VCL: variants seen among roughly 807,000 people sequenced by gnomAD.
VCL encodes the protein vinculin, also known as epididymis luminal protein 114.
Under a neutral mutation model 125.7 loss-of-function variants are expected in VCL, and 47 were observed. The observed-to-expected ratio is 0.37, with a 90% CI of 0.30 to 0.48. The LOEUF (loss-of-function observed/expected upper bound fraction) is 0.48. Among genes scored for constraint, VCL ranks in the 20% least tolerant of loss-of-function variants. The pLI, the probability that VCL is intolerant of heterozygous loss-of-function variation, is 0.99. For synonymous variants in VCL, 458 were observed against 514.6 expected (o/e 0.89, Z 1.49); for missense variants, 1,069 against 1,455.5 (o/e 0.73, Z 4.32).
At chr10:74,073,303 T>C (rs945808274) in intron 5 of VCL, among the ~76,000 whole-genome samples, 7 of 152,184 alleles carry the variant, frequency 4.6e-5, no homozygotes, top group African/African-American at 1.4e-4. Flanking sequence ...TGAGACCCGA[T>C]TGATTGGTTA....
intron 1 of VCL, among the ~76,000 whole-genome samples, chr10:74,024,387 G>A (rs1234004851): frequency 6.6e-6 from 1 of 152,168 alleles, no homozygotes; most frequent in African/African-American, 2.4e-5. Flanking sequence ...AAGGTGGGAG[G>A]ATCACCTGAG....
chr10:74,008,311 A>G (rs1182390568), intron 1 of VCL, among the ~76,000 whole-genome samples: 2 of 152,168 alleles, frequency 1.3e-5, no homozygotes, highest in African/African-American at 4.8e-5. Context: ...CTAACTGCCC[A>G]TTGTTTGAGA....
At chr10:74,066,351 G>C (rs1263296599) in intron 2 of VCL, among the ~76,000 whole-genome samples, 1 of 151,976 alleles carries the variant, frequency 6.6e-6, no homozygotes, top group African/African-American at 2.4e-5. Context: ...GAGCCACCAC[G>C]CCTGGCCAAT....
intron 1 of VCL, among the ~76,000 whole-genome samples, chr10:74,003,894 T>A (rs972150434): frequency 2.5e-4 from 38 of 151,910 alleles, no homozygotes; most frequent in African/African-American, 9.2e-4. Flanking sequence ...TAATTTAAAA[T>A]TTTTTTTATA....
At chr10:74,092,144 G>A (rs1457261818) in intron 10 of VCL, among the ~76,000 whole-genome samples, 7 of 151,946 alleles carry the variant, frequency 4.6e-5, no homozygotes, top group African/African-American at 1.5e-4. Context: ...TCTTGACCTC[G>A]TGATCCACCC....
chr10:74,003,238 T>A (rs1322383992), intron 1 of VCL, among the ~76,000 whole-genome samples: 2 of 151,864 alleles, frequency 1.3e-5, no homozygotes, highest in African/African-American at 4.8e-5. Flanking sequence ...TAAAACTCTA[T>A]TTAAGGCAGT....
chr10:74,012,883 C>T (rs1840461428), intron 1 of VCL, among the ~76,000 whole-genome samples: 1 of 152,158 alleles, frequency 6.6e-6, no homozygotes, highest in African/African-American at 2.4e-5. Flanking sequence ...TTTTCAGGGA[C>T]ACTTTCCCTG....
At chr10:74,009,371 A>T (rs1271203004) in intron 1 of VCL, among the ~76,000 whole-genome samples, 1 of 150,746 alleles carries the variant, frequency 6.6e-6, no homozygotes. Context: ...CCATTCTCCC[A>T]CCTCAGCCTC....
chr10:74,105,240 C>G lies in VCL; in HGVS notation c.2321C>G (p.Ser774Cys). Reference protein sequence around the residue: ...LLVAKREVENSEDPKFREAVK... With the variant: ...LLVAKREVENCEDPKFREAVK... ...GTGGCTAAGAGGGAGGTGGAGAATTCCGAGGATCCCAAGTTCCGTGAGGCT... is the reference window on the plus strand; with the variant it reads ...GTGGCTAAGAGGGAGGTGGAGAATTGCGAGGATCCCAAGTTCCGTGAGGCT... Residue 774 changes from serine (S) to cysteine (C), a missense_variant, in exon 16 of 22, where the codon TCC becomes TGC. This residue lies in a region of VCL where 760 missense variants were observed against 928.9 expected (regional missense o/e 0.82). Transcript: ENST00000211998. 6.2e-7 allele frequency: 1 copy of G among 1,614,110 alleles called. No homozygotes were observed. The highest frequency in any genetic ancestry group is 8.5e-7 in the Non-Finnish European group (1 of 1,180,032).
At chr10:74,066,708 A>G (rs1195527681) in intron 2 of VCL, among the ~76,000 whole-genome samples, 2 of 146,070 alleles carry the variant, frequency 1.4e-5, no homozygotes, top group African/African-American at 2.5e-5. Flanking sequence ...ATCTCACTCT[A>G]TTGCCTAGGC....
At chr10:74,100,362 AAGTC>A (rs1350553437) in intron 13 of VCL, among the ~76,000 whole-genome samples, 2 of 152,332 alleles carry the variant, frequency 1.3e-5, no homozygotes, top group African/African-American at 4.8e-5. Flanking sequence ...GGGTTAATAA[AAGTC>A]AGTCATCCTT....
chr10:74,086,376 A>G (rs1839772547), intron 8 of VCL, among the ~76,000 whole-genome samples: 1 of 152,258 alleles, frequency 6.6e-6, no homozygotes, highest in African/African-American at 2.4e-5. Flanking sequence ...AGGGGAAAGA[A>G]ACAGCTTAAA....
At chr10:74,086,276 C>T (rs1448216724) in intron 8 of VCL, among the ~76,000 whole-genome samples, 1 of 152,296 alleles carries the variant, frequency 6.6e-6, no homozygotes, top group East Asian at 1.9e-4. Flanking sequence ...ATAAACATGC[C>T]CATACAATAT....
At chr10:74,108,210 A>G (rs1428092215) in intron 17 of VCL, among the ~76,000 whole-genome samples, 1 of 152,208 alleles carries the variant, frequency 6.6e-6, no homozygotes, top group Non-Finnish European at 1.5e-5. Context: ...AGAGAGGGCT[A>G]TTCCTGGGAA....
chr10:74,070,212 G>A (rs1841642888), intron 2 of VCL, among the ~76,000 whole-genome samples: 1 of 152,062 alleles, frequency 6.6e-6, no homozygotes, highest in Non-Finnish European at 1.5e-5. Flanking sequence ...ATCTGAAAAT[G>A]ATCTAACATT....
At chr10:74,107,857 A>G (rs1043251883) in intron 17 of VCL, among the ~76,000 whole-genome samples, 4 of 151,972 alleles carry the variant, frequency 2.6e-5, no homozygotes, top group African/African-American at 9.7e-5. Flanking sequence ...TACCTTCCCC[A>G]CTACCCCCCG....
chr10:74,040,051 C>T (rs1841063907), intron 1 of VCL, among the ~76,000 whole-genome samples: 1 of 152,188 alleles, frequency 6.6e-6, no homozygotes, highest in African/African-American at 2.4e-5. Flanking sequence ...TTGTTCTTGC[C>T]TAGCTCTTTC....
chr10:74,090,247 C>G (rs1193927372), intron 10 of VCL, 49 bp downstream of exon 10: 1 of 1,601,170 alleles, frequency 6.2e-7, no homozygotes, highest in Admixed American at 1.7e-5. Context: ...TCTTCTCTTT[C>G]TCTCTCCCTT....
intron 1 of VCL, among the ~76,000 whole-genome samples, chr10:74,006,666 C>CA (rs1840328805): frequency 6.6e-6 from 1 of 152,198 alleles, no homozygotes; most frequent in Non-Finnish European, 1.5e-5. Flanking sequence ...CATCTGACCT[C>CA]ATGATAGGTA....
Sources: gnomAD v4.1 joint callset for allele counts (sites outside exome capture counted in the v4.1 genomes callset) on GRCh38, gnomAD v4.1.1 for gene constraint, gnomAD v4.1.1 regional missense constraint, MANE v1.5 for transcripts, NCBI Gene and HGNC (gene_info 2026-07-23, HGNC 2026-07-21) for gene names.